The following ARPP19 variants were observed in gnomAD, a reference collection of about 807,000 sequenced individuals.
ARPP19 encodes the protein cAMP regulated phosphoprotein 19.
Under a neutral mutation model 12.0 loss-of-function variants are expected in ARPP19, and 8 were observed. The observed-to-expected ratio is 0.67, with a 90% CI of 0.39 to 1.21. The LOEUF is 1.21. Among genes scored for constraint, ARPP19 ranks in the 50% most tolerant of loss-of-function variants. The pLI is 0.01. For synonymous variants in ARPP19, 47 were observed against 50.4 expected, an observed-to-expected ratio of 0.93 and a Z score of 0.29; for missense variants, 102 against 136.3, an observed-to-expected ratio of 0.75 and a Z score of 1.25.
intron 1 of ARPP19, among the ~76,000 whole-genome samples, chr15:52,563,382 T>C (rs1303545974): frequency 1.3e-5 from 2 of 152,164 alleles, no homozygotes; most frequent in Non-Finnish European, 2.9e-5. Flanking sequence ...AACCCCAGGA[T>C]ATGGTAACAC....
chr15:52,561,260 T>C (rs1477499385), intron 1 of ARPP19, among the ~76,000 whole-genome samples: 3 of 152,232 alleles, frequency 2.0e-5, no homozygotes, highest in Non-Finnish European at 2.9e-5. Context: ...AGCCAATAGT[T>C]ATTTATTTGT....
At chr15:52,567,030 C>G (rs1368354989) in intron 1 of ARPP19, among the ~76,000 whole-genome samples, 3 of 152,168 alleles carry the variant, frequency 2.0e-5, no homozygotes, top group Non-Finnish European at 4.4e-5. Context: ...CAGACAATAA[C>G]TTAATTTTTT....
chr15:52,561,664 T>A (rs867570112), intron 1 of ARPP19, among the ~76,000 whole-genome samples: 14 of 151,462 alleles, frequency 9.2e-5, no homozygotes, highest in East Asian at 7.7e-4. Flanking sequence ...ATAAAAAAAA[T>A]TTTAAATACC....
rs780260197 is a variant in ARPP19, at chr15:52,565,659, T to C, written c.45+3189A>G. 7.9e-5 allele frequency among the ~76,000 whole-genome samples: 12 copies of C among 152,188 alleles called. No individual in the cohort carries two copies. The East Asian group carries it at 9.6e-4, about 12-fold the overall frequency. On this transcript the variant is annotated intron_variant, in intron 1 of 2. Transcript: ENST00000249822. Reference sequence around the variant, plus strand: ...TGACTCTGGAAACTTAGTGACCTCATAGTTTACTCTTAAAAGGGGAACTGA... The same window carrying C: ...TGACTCTGGAAACTTAGTGACCTCACAGTTTACTCTTAAAAGGGGAACTGA...
intron 1 of ARPP19, among the ~76,000 whole-genome samples, chr15:52,558,955 C>T (rs1248074900): frequency 1.3e-5 from 2 of 152,114 alleles, no homozygotes; most frequent in Non-Finnish European, 2.9e-5. Context: ...TGCACCACCA[C>T]ATCCAGCTCT....
In ARPP19 at chr15:52,548,149, A is replaced by G. The variant is rs1165769249; in HGVS notation, c.*3785T>C. On this transcript the variant is annotated 3_prime_UTR_variant, in exon 3 of 3. Coordinates refer to ENST00000249822, the MANE Select transcript of ARPP19 (RefSeq NM_006628.6). Reference sequence around the variant, plus strand: ...TGTTACCTGAGGCAACCTTGGTCCAAAAATATTATGTGGAAAATTCCAGAA... The same window carrying G: ...TGTTACCTGAGGCAACCTTGGTCCAGAAATATTATGTGGAAAATTCCAGAA... The G allele has an allele frequency of 1.3e-5, 2 of 152,236 alleles. No individual in the cohort carries two copies. The highest frequency in any genetic ancestry group is 6.5e-5 in the Admixed American group (1 of 15,282). The allele number at this position is 152,236 out of a possible 1,614,324, so 9.4% of individuals were successfully genotyped here.
At chr15:52,562,694 C>T (rs952717148) in intron 1 of ARPP19, among the ~76,000 whole-genome samples, 10 of 151,820 alleles carry the variant, frequency 6.6e-5, no homozygotes, top group African/African-American at 2.4e-4. Context: ...AAGTATCTCT[C>T]AAGGGCTTAT....
intron 1 of ARPP19, 109 bp from the exon 2 acceptor site, chr15:52,557,331 C>G (rs946343188): frequency 1.2e-6 from 1 of 834,540 alleles, no homozygotes; most frequent in South Asian, 1.8e-5. Flanking sequence ...CCAAGTACCA[C>G]AGCATCTGAC....
chr15:52,552,750 A>G (rs1032970303), intron 2 of ARPP19, among the ~76,000 whole-genome samples: 5 of 152,150 alleles, frequency 3.3e-5, no homozygotes, highest in African/African-American at 9.7e-5. Flanking sequence ...CAGGTGAAAC[A>G]CTTGCTTAAA....
intron 1 of ARPP19, among the ~76,000 whole-genome samples, chr15:52,561,287 G>C (rs1204768788): frequency 6.6e-6 from 1 of 152,166 alleles, no homozygotes; most frequent in Non-Finnish European, 1.5e-5. Context: ...TTTCCAAAAA[G>C]AATCACAGAA....
chr15:52,554,522 A>G (rs866387188), intron 2 of ARPP19, among the ~76,000 whole-genome samples: 1 of 152,192 alleles, frequency 6.6e-6, no homozygotes, highest in African/African-American at 2.4e-5. Context: ...TCTAAATTTC[A>G]TGAGTTTGTA....
At chr15:52,556,131 C>A (rs1430368757) in intron 2 of ARPP19, among the ~76,000 whole-genome samples, 1 of 151,940 alleles carries the variant, frequency 6.6e-6, no homozygotes, top group Non-Finnish European at 1.5e-5. Flanking sequence ...ATTAAAAATA[C>A]CATTCTATTT....
At chr15:52,566,955 C>CAGT (rs59946651) in intron 1 of ARPP19, among the ~76,000 whole-genome samples, 16,050 of 152,192 alleles carry the variant, frequency 0.11, 929 homozygotes, top group Middle Eastern at 0.17. Flanking sequence ...GGCAACCTAC[C>CAGT]AGTAAACTAT....
chr15:52,556,013 C>T (rs1270203562), intron 2 of ARPP19, among the ~76,000 whole-genome samples: 1 of 151,936 alleles, frequency 6.6e-6, no homozygotes, highest in Non-Finnish European at 1.5e-5. Flanking sequence ...AACTTCCCTA[C>T]TTGATTATAT....
At chr15:52,568,416 G>A (rs2140259919) in intron 1 of ARPP19, 1 of 159,950 alleles carries the variant, frequency 6.3e-6, no homozygotes, top group African/African-American at 2.4e-5. Context: ...TGCCAATCCT[G>A]GCCCACATCG....
upstream of ARPP19, chr15:52,569,118 GA>G (rs1331337464): frequency 4.1e-5 from 22 of 536,762 alleles, no homozygotes; most frequent in Admixed American, 9.1e-4. Flanking sequence ...CTACCTACTT[GA>G]CCCCGCTTCT....
In ARPP19 at chr15:52,551,977, G is replaced by C. The variant is rs1347787342; in HGVS notation, c.296C>G (p.Pro99Arg). Reference sequence around the variant, plus strand: ...AGCAACAAGGGACGGCTTCCGTTGAGGAAGGTCTTGCGGAGTGGGAATGTG... The same window carrying C: ...AGCAACAAGGGACGGCTTCCGTTGACGAAGGTCTTGCGGAGTGGGAATGTG... ...GDHIPTPQDLPQRKPSLVASK... is the reference protein window; with the variant it reads ...GDHIPTPQDLRQRKPSLVASK... Residue 99 changes from proline to arginine, a missense_variant, in exon 3 of 3, where the codon CCT becomes CGT. Physicochemically the swap from Pro to Arg is moderately radical, Grantham distance 103. Transcript: ENST00000249822. The C allele has an allele frequency of 1.2e-6, 2 of 1,613,716 alleles. No individual in the cohort carries two copies. Among genetic ancestry groups the C allele is most frequent in the African/African-American group, 2.7e-5 (2 of 75,042 alleles).
At chr15:52,562,585 A>C (rs1462963742) in intron 1 of ARPP19, among the ~76,000 whole-genome samples, 1 of 152,014 alleles carries the variant, frequency 6.6e-6, no homozygotes, top group Non-Finnish European at 1.5e-5. Flanking sequence ...CTGAGGTGGG[A>C]GGGTCACTTA....
In ARPP19 at chr15:52,568,937, C is replaced by CGG; in HGVS notation, c.-47_-46dup. The CGG allele has an allele frequency of 1.5e-6, 1 of 678,056 alleles. No homozygotes were observed. The highest frequency in any genetic ancestry group is 2.4e-6 in the Non-Finnish European group (1 of 417,240). The allele number at this position is 678,056 out of a possible 1,614,324, so 42.0% of individuals were successfully genotyped here. On this transcript the variant is annotated 5_prime_UTR_variant, in exon 1 of 3. Transcript: ENST00000249822. The stretch of plus-strand genomic sequence containing the variant: ...AGACGCCGGGAAAAGATGCAATTAG[C>CGG]GGGTGGCCGAGGCCACCCGGCCGCC...
Sources: gnomAD v4.1 joint callset for allele counts (sites outside exome capture counted in the v4.1 genomes callset) on GRCh38, gnomAD v4.1.1 for gene constraint, MANE v1.5 for transcripts, NCBI Gene and HGNC (gene_info 2026-07-23, HGNC 2026-07-21) for gene names.